MYO16: variants seen among roughly 807,000 people sequenced by gnomAD.
The protein encoded by MYO16 is myosin XVI, also known as unconventional myosin-XVI.
Under a neutral mutation model 205.3 loss-of-function variants are expected in MYO16, and 94 were observed. The observed-to-expected ratio is 0.46, with a 90% confidence interval of 0.39 to 0.54. MYO16 has a LOEUF of 0.54. Among genes scored for constraint, MYO16 ranks in the 20% least tolerant of loss-of-function variants. The pLI, the probability that MYO16 is intolerant of heterozygous loss-of-function variation, is 0.00. For missense variants in MYO16, 2,315 were observed against 2,387.5 expected, an observed-to-expected ratio of 0.97 and a Z score of 0.63; for synonymous variants, 988 against 954.0, an observed-to-expected ratio of 1.04 and a Z score of -0.66.
At chr13:109,052,929 G>T (rs1887292200) in intron 25 of MYO16, among the ~76,000 whole-genome samples, 2 of 152,054 alleles carry the variant, frequency 1.3e-5, no homozygotes, top group South Asian at 4.1e-4. Flanking sequence ...CTGCATGTTT[G>T]TAGATGTTTA....
chr13:108,646,779 C>A (rs187057576), intron 1 of MYO16, among the ~76,000 whole-genome samples: 1 of 152,006 alleles, frequency 6.6e-6, no homozygotes, highest in South Asian at 2.1e-4. Context: ...TAATTAAATG[C>A]ACCCCTTTGA....
chr13:108,826,471 T>TA, intron 9 of MYO16, among the ~76,000 whole-genome samples: 1 of 152,056 alleles, frequency 6.6e-6, no homozygotes, highest in East Asian at 1.9e-4. Flanking sequence ...AAACTCTCTT[T>TA]AAAAAATGTA....
chr13:108,726,560 A>C (rs1884344888), intron 3 of MYO16, among the ~76,000 whole-genome samples: 1 of 56,988 alleles, frequency 1.8e-5, no homozygotes, highest in South Asian at 3.5e-4. Context: ...TCTGTTTCAA[A>C]AAAAAAAAAA....
At chr13:108,675,421 C>T (rs1272063404) in intron 2 of MYO16, among the ~76,000 whole-genome samples, 1 of 152,262 alleles carries the variant, frequency 6.6e-6, no homozygotes, top group South Asian at 2.1e-4. Context: ...AAATTAATTG[C>T]ATTTAAATTC....
At chr13:109,131,333 T>G (rs1018178808) in intron 31 of MYO16, among the ~76,000 whole-genome samples, 9 of 152,204 alleles carry the variant, frequency 5.9e-5, no homozygotes, top group African/African-American at 2.2e-4. Flanking sequence ...AAGTTGTCTT[T>G]GTATTTATTC....
rs974361580 is a variant in MYO16 at position 109,199,213 on chromosome 13, T to C, written c.5416-7396T>C. ...AAAGGTATATATATATATATATATA[T>C]ATATATATATATATATATATATATA... On this transcript the variant is annotated intron_variant, in intron 34 of 34. Transcript: ENST00000457511. 4.0e-4 allele frequency among the ~76,000 whole-genome samples: 32 copies of C among 80,444 alleles called. 1 individual carries two copies. Among genetic ancestry groups the C allele is most frequent in the South Asian group, 1.6e-3 (3 of 1,852 alleles). The allele number at this position is 80,444 out of a possible 152,430, so 52.8% of individuals were successfully genotyped here. A position where few individuals can be genotyped will look rare whatever the true frequency, so the allele number is the denominator to read the frequency against.
chr13:109,186,308 G>A (rs570255941), intron 34 of MYO16, among the ~76,000 whole-genome samples: 3 of 152,208 alleles, frequency 2.0e-5, no homozygotes, highest in South Asian at 2.1e-4. Context: ...GGAGAGGAAA[G>A]CATTAGGGAC....
rs1038383289 is a variant in MYO16 at position 108,911,034 on chromosome 13, A to C, written c.1925+884A>C. On this transcript the variant is annotated intron_variant, in intron 16 of 34. Transcript: ENST00000457511. ...TGAGAAAAAGGATGCTATAGGAGAA[A>C]ACACACACACACACACACACACACA... Among the ~76,000 whole-genome samples the C allele has an allele frequency of 1.7e-4, 23 of 138,552 alleles. No homozygotes were observed. In the South Asian group the frequency reaches 4.3e-3, roughly 26 times the overall value. 90.9% of individuals were successfully genotyped at this position (138,552 alleles called of 152,430 possible).
At chr13:108,722,629 A>T (rs980660818) in intron 3 of MYO16, among the ~76,000 whole-genome samples, 2 of 152,240 alleles carry the variant, frequency 1.3e-5, no homozygotes, top group Admixed American at 1.3e-4. Flanking sequence ...TGACAGGCAC[A>T]GAAGGAGGAG....
At chr13:108,773,772 C>T (rs1479911811) in intron 4 of MYO16, among the ~76,000 whole-genome samples, 3 of 151,972 alleles carry the variant, frequency 2.0e-5, no homozygotes, top group Non-Finnish European at 4.4e-5. Context: ...TTGCAACTTT[C>T]CATAAATTTG....
chr13:109,023,311 TA>T (rs1886173845), intron 23 of MYO16, among the ~76,000 whole-genome samples: 1 of 88,868 alleles, frequency 1.1e-5, no homozygotes, highest in Non-Finnish European at 1.9e-5. Context: ...TAAATATATA[TA>T]TTTATATATT....
chr13:108,589,647 T>G, the MYO16 span, among the ~76,000 whole-genome samples: 6 of 152,180 alleles, frequency 3.9e-5, no homozygotes, highest in African/African-American at 1.4e-4. Context: ...GCTCCGGGTA[T>G]GACCATATAT....
At chr13:109,179,788 C>G (rs991348314) in intron 34 of MYO16, among the ~76,000 whole-genome samples, 155 bp downstream of exon 34, 2 of 152,134 alleles carry the variant, frequency 1.3e-5, no homozygotes, top group African/African-American at 2.4e-5. Flanking sequence ...ATGGTCTTCT[C>G]TCTCCACCTC....
chr13:108,728,619 A>G lies in MYO16; in HGVS notation c.507+1036A>G, dbSNP rs543953819. 7.2e-5 allele frequency among the ~76,000 whole-genome samples: 11 copies of G among 152,324 alleles called. No homozygotes were observed. In the South Asian group the frequency reaches 2.3e-3, roughly 32 times the overall value. On this transcript the variant is annotated intron_variant, in intron 4 of 34. Coordinates refer to ENST00000457511, the MANE Select transcript of MYO16 (RefSeq NM_001198950.3). Reference sequence around the variant, plus strand: ...CCTTAGATTATAGCAGCATCACTCCAGTCTCTGCCTCCATCAGCACATGAC... The same window carrying G: ...CCTTAGATTATAGCAGCATCACTCCGGTCTCTGCCTCCATCAGCACATGAC...
In MYO16 at chr13:108,649,062, C is replaced by A. The variant is rs369558102; in HGVS notation, c.29-16824C>A. 6.5e-4 allele frequency among the ~76,000 whole-genome samples: 85 copies of A among 131,558 alleles called. 1 individual carries two copies. Among genetic ancestry groups the A allele is most frequent in the African/African-American group, 2.2e-3 (77 of 34,516 alleles). 86.3% of individuals were successfully genotyped at this position (131,558 alleles called of 152,430 possible). A position where few individuals can be genotyped will look rare whatever the true frequency, so the allele number is the denominator to read the frequency against. ...TCCCAGGAAGGGGAACATCACACAC[C>A]AGGGCCTGTTGTGGGATGGGGGGAG... is the stretch of plus-strand genomic sequence containing the variant. On this transcript the variant is annotated intron_variant, in intron 1 of 34. Transcript: ENST00000457511.
intron 12 of MYO16, among the ~76,000 whole-genome samples, chr13:108,876,649 A>G (rs1243245583): frequency 6.7e-6 from 1 of 149,148 alleles, no homozygotes; most frequent in African/African-American, 2.5e-5. Flanking sequence ...AACTCATAAC[A>G]TAGTAACTAT....
chr13:109,122,015 A>G (rs1205819772), intron 29 of MYO16, among the ~76,000 whole-genome samples: 4 of 152,124 alleles, frequency 2.6e-5, no homozygotes, highest in Admixed American at 2.0e-4. Context: ...TGCAAGTCCT[A>G]TTTGCATGTT....
intron 1 of MYO16, among the ~76,000 whole-genome samples, chr13:108,631,458 G>C (rs11838693): frequency 6.6e-6 from 1 of 152,158 alleles, no homozygotes; most frequent in South Asian, 2.1e-4. Flanking sequence ...CAGAAAATTG[G>C]TGATGTCAAT....
At chr13:109,009,120 C>G in intron 22 of MYO16, 71 bp downstream of exon 22, 2 of 1,265,888 alleles carry the variant, frequency 1.6e-6, no homozygotes, top group Non-Finnish European at 2.1e-6. Flanking sequence ...AAAGAATTTT[C>G]TTTCAGGACG....
Sources: gnomAD v4.1 joint callset for allele counts (sites outside exome capture counted in the v4.1 genomes callset) on GRCh38, gnomAD v4.1.1 for gene constraint, MANE v1.5 for transcripts, NCBI Gene and HGNC (gene_info 2026-07-23, HGNC 2026-07-21) for gene names.